SMOC2: variants seen among roughly 807,000 people sequenced by gnomAD.
The protein encoded by SMOC2 is SPARC related modular calcium binding 2.
A neutral mutation model predicts 61.4 loss-of-function variants in SMOC2; 39 were observed. The observed-to-expected ratio is 0.64, with a 90% CI of 0.49 to 0.83. The LOEUF (loss-of-function observed/expected upper bound fraction) is 0.83, where lower values mean the gene tolerates loss of function less well. Ranked by LOEUF, SMOC2 falls within the 40% of genes least tolerant of loss-of-function variation. The pLI, the probability that SMOC2 is intolerant of heterozygous loss-of-function variation, is 0.00. For missense variants in SMOC2, 556 were observed against 592.9 expected, an observed-to-expected ratio of 0.94 and a Z score of 0.65; for synonymous variants, 247 against 239.9, an observed-to-expected ratio of 1.03 and a Z score of -0.27.
intron 9 of SMOC2, among the ~76,000 whole-genome samples, chr6:168,634,531 C>A (rs1583175813): frequency 6.6e-6 from 1 of 152,204 alleles, no homozygotes; most frequent in African/African-American, 2.4e-5. Flanking sequence ...AAACAACCCT[C>A]ACTGAAGAGA....
intron 9 of SMOC2, among the ~76,000 whole-genome samples, chr6:168,624,219 GTTA>G (rs1786324884): frequency 6.6e-6 from 1 of 152,198 alleles, no homozygotes; most frequent in African/African-American, 2.4e-5. Context: ...GTGAGGAAGT[GTTA>G]TTGATTTGTT....
chr6:168,628,471 T>A (rs1374918957), intron 9 of SMOC2, among the ~76,000 whole-genome samples: 1 of 152,218 alleles, frequency 6.6e-6, no homozygotes, highest in African/African-American at 2.4e-5. Context: ...TTTAAAAGAC[T>A]GTGGGCCAGG....
At chr6:168,619,391 TTAAA>T (rs1208848105) in intron 9 of SMOC2, among the ~76,000 whole-genome samples, 2 of 152,164 alleles carry the variant, frequency 1.3e-5, no homozygotes, top group Non-Finnish European at 2.9e-5. Context: ...CAGAGACAAT[TTAAA>T]TAACTTGAGA....
Position 168,514,664 on chromosome 6 carries a change from C to T in SMOC2, c.256+4578C>T, listed in dbSNP as rs144352615. On this transcript the variant is annotated intron_variant, in intron 2 of 12. Coordinates refer to ENST00000356284, the MANE Select transcript of SMOC2 (RefSeq NM_001166412.2). ...CTTCAGAGAAGTTTTTACAAGTGAT[C>T]GCCTATGAAGTCTTAGCTTGTGGAA... is the stretch of plus-strand genomic sequence containing the variant. Among the ~76,000 whole-genome samples the T allele has an allele frequency of 1.9e-4, 29 of 152,240 alleles. No homozygotes were observed. In the East Asian group the frequency reaches 5.0e-3, roughly 26 times the overall value.
At chr6:168,633,481 G>A (rs1475863106) in intron 9 of SMOC2, among the ~76,000 whole-genome samples, 2 of 152,078 alleles carry the variant, frequency 1.3e-5, no homozygotes, top group Non-Finnish European at 2.9e-5. Context: ...ATAGGCCCTT[G>A]GCTCTCATGC....
chr6:168,470,907 C>T (rs921876728), intron 1 of SMOC2, among the ~76,000 whole-genome samples: 1 of 152,108 alleles, frequency 6.6e-6, no homozygotes, highest in South Asian at 2.1e-4. Flanking sequence ...ATTTTCTTCA[C>T]TGTCATTTGA....
chr6:168,501,139 A>C (rs1039016918), intron 1 of SMOC2, among the ~76,000 whole-genome samples: 2 of 152,202 alleles, frequency 1.3e-5, no homozygotes, highest in Admixed American at 6.5e-5. Context: ...GCATTAATGT[A>C]ACACCATCCT....
chr6:168,663,366 C>T (rs921745534), intron 11 of SMOC2, among the ~76,000 whole-genome samples: 9 of 152,190 alleles, frequency 5.9e-5, no homozygotes, highest in African/African-American at 1.9e-4. Flanking sequence ...TTGAGCCAAA[C>T]ACGTTCATCT....
chr6:168,656,733 G>A (rs1030640681), intron 11 of SMOC2, among the ~76,000 whole-genome samples: 8 of 151,968 alleles, frequency 5.3e-5, no homozygotes, highest in Non-Finnish European at 8.8e-5. Context: ...GGCAAGCCTA[G>A]ATCTGTGTCA....
intron 1 of SMOC2, among the ~76,000 whole-genome samples, chr6:168,492,124 A>G (rs921288210): frequency 1.3e-5 from 2 of 152,228 alleles, no homozygotes; most frequent in Non-Finnish European, 2.9e-5. Context: ...AAGAGAAATT[A>G]CAGGTTGTAT....
chr6:168,633,697 G>A (rs542766214), intron 9 of SMOC2, among the ~76,000 whole-genome samples: 22 of 152,298 alleles, frequency 1.4e-4, no homozygotes, highest in African/African-American at 4.8e-4. Context: ...AGAGGTCAGG[G>A]TGTGAAAGCA....
At chr6:168,483,560 C>G (rs889253903) in intron 1 of SMOC2, among the ~76,000 whole-genome samples, 1 of 152,110 alleles carries the variant, frequency 6.6e-6, no homozygotes, top group African/African-American at 2.4e-5. Context: ...CAATCCCTAT[C>G]AAAATTCCAA....
intron 9 of SMOC2, among the ~76,000 whole-genome samples, chr6:168,611,940 G>A (rs1367064160): frequency 1.3e-5 from 2 of 152,206 alleles, no homozygotes; most frequent in African/African-American, 2.4e-5. Flanking sequence ...TGGTGTGGGT[G>A]TGGACTCTGC....
chr6:168,551,132 A>G (rs1784119886), intron 7 of SMOC2, among the ~76,000 whole-genome samples: 1 of 152,268 alleles, frequency 6.6e-6, no homozygotes, highest in African/African-American at 2.4e-5. Flanking sequence ...ACTGGGCTCT[A>G]ACCCCTTCGC....
intron 2 of SMOC2, among the ~76,000 whole-genome samples, chr6:168,518,420 CAT>C (rs1169791949): frequency 6.8e-6 from 1 of 147,454 alleles, no homozygotes; most frequent in Non-Finnish European, 1.5e-5. Context: ...TGAATGTGTG[CAT>C]GAGTGTGCAT....
At chr6:168,445,931 C>T (rs1781322736) in intron 1 of SMOC2, among the ~76,000 whole-genome samples, 1 of 152,194 alleles carries the variant, frequency 6.6e-6, no homozygotes, top group Non-Finnish European at 1.5e-5. Context: ...GGCTCAGAAC[C>T]GAACAGATTT....
At chr6:168,494,801 G>A (rs898170523) in intron 1 of SMOC2, among the ~76,000 whole-genome samples, 8 of 152,224 alleles carry the variant, frequency 5.3e-5, no homozygotes, top group African/African-American at 1.9e-4. Context: ...GAGGTGGCTG[G>A]GAAGGGCGGG....
At position 168,607,097 on chromosome 6, in the gene SMOC2, C is replaced by G. The variant is rs189181529; in HGVS notation, c.825-1060C>G. Among the ~76,000 whole-genome samples, 392 of 152,116 alleles carry G rather than the reference C, an allele frequency of 2.6e-3. 1 individual carries two copies. Among genetic ancestry groups the G allele is most frequent in the Non-Finnish European group, 3.7e-3 (249 of 68,006 alleles). On this transcript the variant is annotated intron_variant, in intron 8 of 12. Transcript: ENST00000356284. ...CCCATCTCCCGGGAACGCACCTCCC[C>G]GGCGTCTCCTTCATGCTGGTGAGAA... is the stretch of plus-strand genomic sequence containing the variant.
rs562713945 is a variant in SMOC2 at position 168,513,385 on chromosome 6, G to C, written c.256+3299G>C. 8.6e-5 allele frequency among the ~76,000 whole-genome samples: 13 copies of C among 151,440 alleles called. No individual in the cohort carries two copies. In the East Asian group the frequency reaches 2.5e-3, roughly 29 times the overall value. The stretch of plus-strand genomic sequence containing the variant: ...ACATTTAGGTTTCAGTAAACTGTAC[G>C]TTATTTTAGTTTTAATTCCCGTGGT... On this transcript the variant is annotated intron_variant, in intron 2 of 12. Coordinates refer to ENST00000356284, the MANE Select transcript of SMOC2 (RefSeq NM_001166412.2).
Sources: gnomAD v4.1 joint callset for allele counts (sites outside exome capture counted in the v4.1 genomes callset) on GRCh38, gnomAD v4.1.1 for gene constraint, MANE v1.5 for transcripts, NCBI Gene and HGNC (gene_info 2026-07-23, HGNC 2026-07-21) for gene names.